Variants in SNTG1 observed in about 807,000 individuals in gnomAD.
SNTG1 encodes the protein syntrophin gamma 1.
Under a neutral mutation model 74.7 loss-of-function variants are expected in SNTG1, and 39 were observed. The observed-to-expected ratio is 0.52, with a 90% confidence interval of 0.40 to 0.68. The LOEUF (loss-of-function observed/expected upper bound fraction) is 0.68, where lower values mean the gene tolerates loss of function less well. Among genes scored for constraint, SNTG1 ranks in the 30% least tolerant of loss-of-function variants. The pLI, the probability that SNTG1 is intolerant of heterozygous loss-of-function variation, is 0.00. For missense variants in SNTG1, 685 were observed against 609.5 expected, an observed-to-expected ratio of 1.12 and a Z score of -1.30; for synonymous variants, 254 against 217.1, an observed-to-expected ratio of 1.17 and a Z score of -1.49.
intron 3 of SNTG1, among the ~76,000 whole-genome samples, chr8:50,401,882 G>A (rs192564921): frequency 1.3e-5 from 2 of 152,166 alleles, no homozygotes; most frequent in East Asian, 3.9e-4. Flanking sequence ...TCTCAATAAA[G>A]CAATTATTTT....
Position 50,079,403 on chromosome 8 carries a change from GTTGT to G in SNTG1, c.-102-93151_-102-93148del, listed in dbSNP as rs1403418358. Among the ~76,000 whole-genome samples the G allele has an allele frequency of 3.5e-5, 5 of 143,194 alleles. No homozygotes were observed. The South Asian group carries it at 9.8e-4, about 28-fold the overall frequency. The allele number at this position is 143,194 out of a possible 152,430, so 93.9% of individuals were successfully genotyped here. ...TATCCTTTGCCCACTTTTTGATGGG[GTTGT>G]TTGTTTTTTTTTTTCTTGTAAATTT... On this transcript the variant is annotated intron_variant, in intron 1 of 18. Coordinates refer to ENST00000642720, the MANE Select transcript of SNTG1 (RefSeq NM_018967.5).
chr8:50,431,244 A>C (rs566949068), intron 4 of SNTG1, among the ~76,000 whole-genome samples: 2 of 152,300 alleles, frequency 1.3e-5, no homozygotes, highest in African/African-American at 4.8e-5. Context: ...CATATAGAAT[A>C]GTTTCCTTAA....
At chr8:50,376,491 A>G (rs1213621160) in intron 2 of SNTG1, among the ~76,000 whole-genome samples, 3 of 151,926 alleles carry the variant, frequency 2.0e-5, no homozygotes, top group Non-Finnish European at 2.9e-5. Context: ...ATCATTGGAT[A>G]GGAAAAGGGT....
chr8:50,704,459 T>C, intron 15 of SNTG1, 141 bp from the exon 16 acceptor site: 3 of 1,000,838 alleles, frequency 3.0e-6, no homozygotes, highest in South Asian at 1.3e-5. Context: ...AGTTCTGGTA[T>C]AATGTCTAAT....
At chr8:50,365,204 T>C (rs991263560) in intron 2 of SNTG1, among the ~76,000 whole-genome samples, 2 of 152,108 alleles carry the variant, frequency 1.3e-5, no homozygotes, top group Admixed American at 1.3e-4. Flanking sequence ...CATCTAAAAC[T>C]AGATTTCTAG....
intron 2 of SNTG1, among the ~76,000 whole-genome samples, chr8:50,387,238 G>A (rs549920438): frequency 3.9e-5 from 6 of 152,250 alleles, no homozygotes; most frequent in African/African-American, 1.4e-4. Context: ...AAGGATTCCA[G>A]TTCAGTGGCA....
At chr8:50,665,623 A>C (rs1360801670) in intron 15 of SNTG1, among the ~76,000 whole-genome samples, 1 of 152,152 alleles carries the variant, frequency 6.6e-6, no homozygotes, top group African/African-American at 2.4e-5. Flanking sequence ...GATGAGGCTA[A>C]GTCATATTAC....
intron 1 of SNTG1, among the ~76,000 whole-genome samples, chr8:50,156,021 T>C (rs2082244214): frequency 6.6e-6 from 1 of 151,642 alleles, no homozygotes; most frequent in South Asian, 2.1e-4. Context: ...GCAAATGAAA[T>C]GAAATGAAAA....
At chr8:50,575,788 A>G (rs914384325) in intron 12 of SNTG1, 5 of 152,186 alleles carry the variant, frequency 3.3e-5, no homozygotes, top group African/African-American at 4.8e-5. Flanking sequence ...TGTGAATCTC[A>G]TAGACTATTT....
chr8:49,943,243 G>T (rs1235428700), intron 1 of SNTG1, among the ~76,000 whole-genome samples: 5 of 152,098 alleles, frequency 3.3e-5, no homozygotes, highest in Non-Finnish European at 5.9e-5. Context: ...TCCAAATTAT[G>T]GTACTCAAAG....
At chr8:50,193,875 C>G (rs2131801434) in intron 2 of SNTG1, among the ~76,000 whole-genome samples, 1 of 152,178 alleles carries the variant, frequency 6.6e-6, no homozygotes, top group African/African-American at 2.4e-5. Flanking sequence ...GAGTTTTAAT[C>G]ATAAAGAGAT....
chr8:50,227,921 C>CAAAAAAAAAAAAAAAAAAAAAAACAA (rs60255876), intron 2 of SNTG1, among the ~76,000 whole-genome samples: 1 of 136,232 alleles, frequency 7.3e-6, no homozygotes, highest in Non-Finnish European at 1.6e-5. Context: ...AAACAACAAC[C>CAAAAAAAAAAAAAAAAAAAAAAACAA]AAAAAAAAAA....
Position 50,502,878 on chromosome 8 carries a change from C to T in SNTG1, c.464C>T (p.Ala155Val), listed in dbSNP as rs1474968263. Reference sequence around the variant, plus strand: ...AAACTCCCATTGAATGAAGATTGTGCATGTAAGCATTTATAAAGAATAGAT... The same window carrying T: ...AAACTCCCATTGAATGAAGATTGTGTATGTAAGCATTTATAAAGAATAGAT... ...FLKLPLNEDC[A>V]CAPSDQSSGT... Residue 155 changes from alanine (A) to valine (V), a missense_variant and splice_region_variant, in exon 9 of 19, where the codon GCA becomes GTA. Coordinates refer to ENST00000642720, the MANE Select transcript of SNTG1 (RefSeq NM_018967.5). The T allele has an allele frequency of 2.5e-6, 4 of 1,608,724 alleles. No homozygotes were observed. In the African/African-American group the frequency reaches 5.4e-5, roughly 22 times the overall value.
At chr8:50,304,965 T>A (rs1165424658) in intron 2 of SNTG1, among the ~76,000 whole-genome samples, 2 of 152,088 alleles carry the variant, frequency 1.3e-5, no homozygotes, top group Non-Finnish European at 2.9e-5. Context: ...TGCAATGGCA[T>A]GATCTCGGCT....
chr8:50,795,038 A>G lies in SNTG1; in HGVS notation c.*2209A>G, dbSNP rs528739089. ...CCTCAGAGAATACACACACACCTAC[A>G]TATGTATTTATATGCATACATGGGT... On this transcript the variant is annotated 3_prime_UTR_variant, in exon 19 of 19. Coordinates refer to ENST00000642720, the MANE Select transcript of SNTG1 (RefSeq NM_018967.5). 2 of 148,396 alleles carry G rather than the reference A, an allele frequency of 1.3e-5. No individual in the cohort carries two copies. The highest frequency in any genetic ancestry group is 4.4e-4 in the South Asian group (2 of 4,498). The allele number at this position is 148,396 out of a possible 1,614,324, so 9.2% of individuals were successfully genotyped here.
At chr8:50,776,377 A>T (rs1254329387) in intron 18 of SNTG1, among the ~76,000 whole-genome samples, 1 of 147,554 alleles carries the variant, frequency 6.8e-6, no homozygotes, top group Non-Finnish European at 1.5e-5. Context: ...CTCTTTACCT[A>T]TTTTATTATA....
At chr8:49,980,905 A>C (rs369761259) in intron 1 of SNTG1, among the ~76,000 whole-genome samples, 1 of 152,082 alleles carries the variant, frequency 6.6e-6, no homozygotes, top group East Asian at 1.9e-4. Context: ...TTTGCTTAAA[A>C]AAATCTTTTC....
intron 3 of SNTG1, among the ~76,000 whole-genome samples, chr8:50,398,431 A>G (rs1309707427): frequency 6.6e-6 from 1 of 152,032 alleles, no homozygotes; most frequent in Non-Finnish European, 1.5e-5. Context: ...TCACACTTCC[A>G]TATCTTTACT....
intron 13 of SNTG1, among the ~76,000 whole-genome samples, chr8:50,597,689 C>T (rs2094740716): frequency 6.6e-6 from 1 of 151,834 alleles, no homozygotes; most frequent in Admixed American, 6.6e-5. Context: ...AAAAGAGTTG[C>T]CCTTTCTTCA....
Sources: gnomAD v4.1 joint callset for allele counts (sites outside exome capture counted in the v4.1 genomes callset) on GRCh38, gnomAD v4.1.1 for gene constraint, MANE v1.5 for transcripts, NCBI Gene and HGNC (gene_info 2026-07-23, HGNC 2026-07-21) for gene names.